The following HS6ST3 variants were observed in gnomAD, a reference collection of about 807,000 sequenced individuals.
The protein encoded by HS6ST3 is heparan sulfate 6-O-sulfotransferase 3.
A neutral mutation model predicts 36.7 loss-of-function variants in HS6ST3; 12 were observed. The observed-to-expected ratio is 0.33, with a 90% CI of 0.21 to 0.53. The LOEUF (loss-of-function observed/expected upper bound fraction) is 0.53. Ranked by LOEUF, HS6ST3 falls within the 20% of genes least tolerant of loss-of-function variation. HS6ST3 has a pLI of 0.95. For synonymous variants in HS6ST3, 240 were observed against 257.5 expected, an observed-to-expected ratio of 0.93 and a Z score of 0.65; for missense variants, 584 against 640.9, an observed-to-expected ratio of 0.91 and a Z score of 0.96.
At chr13:96,720,277 ATCT>A (rs1442242932) in intron 1 of HS6ST3, among the ~76,000 whole-genome samples, 4 of 152,320 alleles carry the variant, frequency 2.6e-5, no homozygotes, top group Admixed American at 2.6e-4. Context: ...GACCATGACC[ATCT>A]TCTTCTTTTG....
chr13:96,317,359 TATATATATAAAATTATATA>T (rs1566322139), intron 1 of HS6ST3, among the ~76,000 whole-genome samples: 91 of 33,562 alleles, frequency 2.7e-3, no homozygotes, highest in Non-Finnish European at 4.0e-3. Flanking sequence ...TATATATATA[TATATATATAAAATTATATA>T]TATATATATA....
At chr13:96,555,829 T>A (rs2056238343) in intron 1 of HS6ST3, among the ~76,000 whole-genome samples, 1 of 152,054 alleles carries the variant, frequency 6.6e-6, no homozygotes, top group South Asian at 2.1e-4. Flanking sequence ...AACTTCTATA[T>A]GGGATACAGT....
rs563032107 is a variant in HS6ST3, at chr13:96,122,845, G to A, written c.707+31276G>A. ...TCTGGGGGACAGACCTGCTCTATCCGAGAAATACAAGGACAAGCACACCTA... is the reference window on the plus strand; with the variant it reads ...TCTGGGGGACAGACCTGCTCTATCCAAGAAATACAAGGACAAGCACACCTA... On this transcript the variant is annotated intron_variant, in intron 1 of 1. Coordinates refer to ENST00000376705, the MANE Select transcript of HS6ST3 (RefSeq NM_153456.4). Among the ~76,000 whole-genome samples the A allele has an allele frequency of 3.3e-5, 5 of 152,268 alleles. No homozygotes were observed. In the South Asian group the frequency reaches 8.3e-4, roughly 25 times the overall value.
At chr13:96,132,550 C>T (rs111244301) in intron 1 of HS6ST3, among the ~76,000 whole-genome samples, 3,050 of 152,060 alleles carry the variant, frequency 0.02, 86 homozygotes, top group African/African-American at 0.068. Flanking sequence ...GGACCACAGG[C>T]GTATGCCACT....
In HS6ST3 at chr13:96,328,607, A is replaced by G. The variant is rs1439034425; in HGVS notation, c.707+237038A>G. On this transcript the variant is annotated intron_variant, in intron 1 of 1. Transcript: ENST00000376705. ...CCAGTATTTTATTGAGGATTTTTGC[A>G]TCAATGTTCATCAAGGATATTGGTC... is the stretch of plus-strand genomic sequence containing the variant. Among the ~76,000 whole-genome samples, 7 of 151,616 alleles carry G rather than the reference A, an allele frequency of 4.6e-5. No homozygotes were observed. The South Asian group carries it at 1.5e-3, about 32-fold the overall frequency.
At chr13:96,594,357 C>T (rs1175448074) in intron 1 of HS6ST3, among the ~76,000 whole-genome samples, 3 of 151,968 alleles carry the variant, frequency 2.0e-5, no homozygotes, top group East Asian at 1.9e-4. Flanking sequence ...TTTCATTCAT[C>T]GTTTTCTAGT....
intron 1 of HS6ST3, among the ~76,000 whole-genome samples, chr13:96,740,693 C>T (rs9513177): frequency 3.3e-5 from 5 of 152,160 alleles, no homozygotes; most frequent in African/African-American, 1.2e-4. Flanking sequence ...TTTATTTTCT[C>T]TCATGCCATT....
intron 1 of HS6ST3, among the ~76,000 whole-genome samples, chr13:96,293,829 C>T (rs2054841684): frequency 6.6e-6 from 1 of 152,036 alleles, no homozygotes; most frequent in African/African-American, 2.4e-5. Flanking sequence ...TCAAGGTGTG[C>T]AAACTGATAA....
At chr13:96,549,185 A>T in intron 1 of HS6ST3, among the ~76,000 whole-genome samples, 1 of 149,896 alleles carries the variant, frequency 6.7e-6, no homozygotes, top group East Asian at 1.9e-4. Context: ...GTTCTCCAAG[A>T]CTGACCAGAC....
chr13:96,200,924 C>T (rs1361609948), intron 1 of HS6ST3, among the ~76,000 whole-genome samples: 1 of 152,164 alleles, frequency 6.6e-6, no homozygotes, highest in Non-Finnish European at 1.5e-5. Flanking sequence ...CTAGTGCCAC[C>T]CTTGGGCCTG....
intron 1 of HS6ST3, among the ~76,000 whole-genome samples, chr13:96,450,130 G>A (rs2055720460): frequency 6.6e-6 from 1 of 152,160 alleles, no homozygotes; most frequent in African/African-American, 2.4e-5. Flanking sequence ...TCAAACAAAT[G>A]TTTTGCTCAA....
chr13:96,698,170 TA>T (rs1875183604), intron 1 of HS6ST3, among the ~76,000 whole-genome samples: 1 of 152,194 alleles, frequency 6.6e-6, no homozygotes, highest in Non-Finnish European at 1.5e-5. Context: ...ACATTAGGTA[TA>T]TCTCCCAATG....
intron 1 of HS6ST3, among the ~76,000 whole-genome samples, chr13:96,538,372 A>G (rs1257384020): frequency 1.3e-5 from 2 of 152,242 alleles, no homozygotes; most frequent in Non-Finnish European, 2.9e-5. Flanking sequence ...TTTACTAACA[A>G]TTTGAAAGAG....
intron 1 of HS6ST3, among the ~76,000 whole-genome samples, chr13:96,436,477 G>GTCAAA (rs1457497787): frequency 6.6e-6 from 1 of 152,092 alleles, no homozygotes; most frequent in Admixed American, 6.6e-5. Context: ...GATGTTATTG[G>GTCAAA]TCAAATTGTT....
intron 1 of HS6ST3, among the ~76,000 whole-genome samples, chr13:96,276,626 A>C (rs2054749883): frequency 6.6e-6 from 1 of 152,180 alleles, no homozygotes; most frequent in South Asian, 2.1e-4. Context: ...CAGGTTAACT[A>C]TTTTATTTCA....
chr13:96,655,208 C>A (rs983660058), intron 1 of HS6ST3, among the ~76,000 whole-genome samples: 13 of 152,114 alleles, frequency 8.5e-5, no homozygotes, highest in African/African-American at 3.1e-4. Flanking sequence ...AACCGAACTT[C>A]TCCATCTAAC....
chr13:96,714,815 TA>T (rs1348162739), intron 1 of HS6ST3, among the ~76,000 whole-genome samples: 1 of 152,164 alleles, frequency 6.6e-6, no homozygotes, highest in Non-Finnish European at 1.5e-5. Context: ...CCTCCTGCTC[TA>T]ACCTCCTAAG....
chr13:96,391,605 C>T (rs1156737307), intron 1 of HS6ST3, among the ~76,000 whole-genome samples: 1 of 152,134 alleles, frequency 6.6e-6, no homozygotes, highest in Non-Finnish European at 1.5e-5. Flanking sequence ...AATGGACTTA[C>T]AGTTCCACAT....
At chr13:96,103,434 T>C (rs1438394842) in intron 1 of HS6ST3, among the ~76,000 whole-genome samples, 3 of 152,314 alleles carry the variant, frequency 2.0e-5, no homozygotes, top group African/African-American at 4.8e-5. Flanking sequence ...GCATTATCAG[T>C]GCCTAGAGTA....
Sources: gnomAD v4.1 joint callset for allele counts (sites outside exome capture counted in the v4.1 genomes callset) on GRCh38, gnomAD v4.1.1 for gene constraint, MANE v1.5 for transcripts, NCBI Gene and HGNC (gene_info 2026-07-23, HGNC 2026-07-21) for gene names.